EFCAB14: variants seen among roughly 807,000 people sequenced by gnomAD.
EFCAB14 encodes EF-hand calcium-binding domain-containing protein 14.
Under a neutral mutation model 56.5 loss-of-function variants are expected in EFCAB14, and 43 were observed. That is an observed-to-expected ratio of 0.76 (90% CI 0.60 to 0.98). The LOEUF (loss-of-function observed/expected upper bound fraction) is 0.98. Among genes scored for constraint, EFCAB14 ranks in the 50% least tolerant of loss-of-function variants. EFCAB14 has a pLI of 0.00. For missense variants in EFCAB14, 538 were observed against 580.3 expected, an observed-to-expected ratio of 0.93 and a Z score of 0.75; for synonymous variants, 235 against 212.9, an observed-to-expected ratio of 1.10 and a Z score of -0.90.
chr1:46,696,427 T>TG (rs1325476976), intron 4 of EFCAB14, 124 bp downstream of exon 4: 2 of 923,754 alleles, frequency 2.2e-6, no homozygotes, highest in African/African-American at 3.3e-5. Flanking sequence ...ACTGCCCTCT[T>TG]GGAGCAGCTG....
intron 2 of EFCAB14, among the ~76,000 whole-genome samples, chr1:46,711,146 T>C (rs2218189): frequency 0.37 from 56,242 of 152,118 alleles, 11,626 homozygotes; most frequent in East Asian, 0.74. Context: ...TTTTGCCCAG[T>C]AGTTCCCAGC....
At position 46,678,501 on chromosome 1, in the gene EFCAB14, C is replaced by T; in HGVS notation, c.1448G>A (p.Arg483Lys). 6.2e-7 allele frequency: 1 copy of T among 1,614,136 alleles called. No homozygotes were observed. Among genetic ancestry groups the T allele is most frequent in the Non-Finnish European group, 8.5e-7 (1 of 1,180,030 alleles). ...TACCCTTAGCTCCAGGAATGAGTATCTTCCATCTCCATCGGAATCAAATGC... is the reference window on the plus strand; with the variant it reads ...TACCCTTAGCTCCAGGAATGAGTATTTTCCATCTCCATCGGAATCAAATGC... ...LRAFDSDGDGRYSFLELRVAL... is the reference protein window; with the variant it reads ...LRAFDSDGDGKYSFLELRVAL... Residue 483 changes from arginine to lysine, a missense_variant, in exon 11 of 11, where the codon AGA (arginine) becomes AAA (lysine). Transcript: ENST00000371933.
chr1:46,707,760 T>C, intron 3 of EFCAB14, 146 bp downstream of exon 3: 1 of 683,232 alleles, frequency 1.5e-6, no homozygotes, highest in Non-Finnish European at 2.3e-6. Context: ...TTTAACATGC[T>C]GGGATTACAG....
chr1:46,693,969 A>G (rs949425961), intron 4 of EFCAB14, among the ~76,000 whole-genome samples: 2 of 152,210 alleles, frequency 1.3e-5, no homozygotes, highest in Non-Finnish European at 2.9e-5. Flanking sequence ...ACAAAAACAA[A>G]AAATGGGAAA....
intron 1 of EFCAB14, among the ~76,000 whole-genome samples, chr1:46,717,697 T>C (rs1333579146): frequency 1.3e-5 from 2 of 152,212 alleles, no homozygotes; most frequent in Non-Finnish European, 1.5e-5. Flanking sequence ...GGAGCTTTTC[T>C]TTCTACACCT....
chr1:46,690,563 C>A (rs1676975456), intron 5 of EFCAB14, among the ~76,000 whole-genome samples: 1 of 152,002 alleles, frequency 6.6e-6, no homozygotes, highest in Non-Finnish European at 1.5e-5. Flanking sequence ...TTCTAGAAGG[C>A]AGGAAATTTT....
intron 4 of EFCAB14, among the ~76,000 whole-genome samples, chr1:46,693,852 C>T (rs1677036219): frequency 6.6e-6 from 1 of 152,008 alleles, no homozygotes; most frequent in Admixed American, 6.6e-5. Flanking sequence ...AAGAATAAAC[C>T]AGTTTCCTTT....
At chr1:46,680,205 G>A (rs1484655668) in intron 10 of EFCAB14, among the ~76,000 whole-genome samples, 1 of 151,940 alleles carries the variant, frequency 6.6e-6, no homozygotes, top group Middle Eastern at 3.2e-3. Context: ...CCATTCCTAG[G>A]TATATATATA....
chr1:46,686,783 C>A lies in EFCAB14; in HGVS notation c.1074+1G>T, dbSNP rs1229710002. ...TTCAGGGTAAGCCTCCCATTATTTA[C>A]CTTTATGCTTTGGATTTTTACTGTA... On this transcript the variant is annotated splice_donor_variant, in intron 8 of 10. Coordinates refer to ENST00000371933, the MANE Select transcript of EFCAB14 (RefSeq NM_014774.3). LOFTEE classifies it high-confidence loss of function. 1 of 1,613,528 alleles carries A rather than the reference C, an allele frequency of 6.2e-7. No homozygotes were observed. Among genetic ancestry groups the A allele is most frequent in the Non-Finnish European group, 8.5e-7 (1 of 1,179,678 alleles).
At chr1:46,691,765 C>A in intron 5 of EFCAB14, 62 bp downstream of exon 5, 1 of 1,271,106 alleles carries the variant, frequency 7.9e-7, no homozygotes, top group South Asian at 1.3e-5. Flanking sequence ...GGAAAGTTGG[C>A]AACATGACTC....
chr1:46,682,048 T>C (rs1377838141), intron 10 of EFCAB14: 1 of 152,200 alleles, frequency 6.6e-6, no homozygotes, highest in African/African-American at 2.4e-5. Flanking sequence ...GCTTTAAGCA[T>C]TTAATTGCAA....
rs1005772416 is a variant in EFCAB14, at chr1:46,692,020, T to C, written c.580-83A>G. 5.1e-6 allele frequency: 5 copies of C among 977,462 alleles called. No homozygotes were observed. The Admixed American group carries it at 8.0e-5, about 16-fold the overall frequency. 60.5% of individuals were successfully genotyped at this position (977,462 alleles called of 1,614,324 possible). A position where few individuals can be genotyped will look rare whatever the true frequency, so the allele number is the denominator to read the frequency against. On this transcript the variant is annotated intron_variant, in intron 4 of 10. Transcript: ENST00000371933. ...TAAACTGTACATATTCAAAAATGTA[T>C]AATTTGAATGTTTTGACACATAAAC...
intron 2 of EFCAB14, among the ~76,000 whole-genome samples, chr1:46,711,000 T>C (rs887165395): frequency 6.6e-6 from 1 of 152,222 alleles, no homozygotes; most frequent in African/African-American, 2.4e-5. Flanking sequence ...CTGAATAGTA[T>C]TCTACTGTGT....
chr1:46,706,465 C>T (rs1219409426), intron 3 of EFCAB14, among the ~76,000 whole-genome samples: 1 of 152,148 alleles, frequency 6.6e-6, no homozygotes, highest in Non-Finnish European at 1.5e-5. Flanking sequence ...TGTCAGTTTA[C>T]AAGAACGAGA....
chr1:46,700,948 T>C (rs1677144720), intron 3 of EFCAB14, among the ~76,000 whole-genome samples: 1 of 145,542 alleles, frequency 6.9e-6, no homozygotes. Context: ...TGGACACCTA[T>C]GGGGGCATGA....
intron 3 of EFCAB14, among the ~76,000 whole-genome samples, chr1:46,706,397 G>A (rs1262830934): frequency 1.3e-5 from 2 of 152,132 alleles, no homozygotes; most frequent in African/African-American, 4.8e-5. Flanking sequence ...CCAAAGATTT[G>A]AAAATCTATG....
In EFCAB14 at chr1:46,675,814, T is replaced by TA. The variant is rs1262641650; in HGVS notation, c.*2646dup. 2 of 152,182 alleles carry TA rather than the reference T, an allele frequency of 1.3e-5. No homozygotes were observed. Among genetic ancestry groups the TA allele is most frequent in the Non-Finnish European group, 2.9e-5 (2 of 68,032 alleles). The allele number at this position is 152,182 out of a possible 1,614,324, so 9.4% of individuals were successfully genotyped here. A position where few individuals can be genotyped will look rare whatever the true frequency, so the allele number is the denominator to read the frequency against. On this transcript the variant is annotated 3_prime_UTR_variant, in exon 11 of 11. Transcript: ENST00000371933. Reference sequence around the variant, plus strand: ...ATGCTACCTTTTTGCCTCTCTGATTTATGGGGAGGCTCTTTTAGTAAACAT... The same window carrying TA: ...ATGCTACCTTTTTGCCTCTCTGATTTAATGGGGAGGCTCTTTTAGTAAACAT...
At position 46,695,138 on chromosome 1, in the gene EFCAB14, T is replaced by C. The variant is rs187164192; in HGVS notation, c.579+1413A>G. On this transcript the variant is annotated intron_variant, in intron 4 of 10. Transcript: ENST00000371933. The stretch of plus-strand genomic sequence containing the variant: ...CTAATGTAAATGATGAGTTAATGGG[T>C]GCAGCACACCAACATGGCACATATA... Among the ~76,000 whole-genome samples, 501 of 151,798 alleles carry C rather than the reference T, an allele frequency of 3.3e-3. 4 individuals are homozygous for C. Among genetic ancestry groups the C allele is most frequent in the Middle Eastern group, 0.02 (6 of 294 alleles).
At position 46,691,926 on chromosome 1, in the gene EFCAB14, G is replaced by A; in HGVS notation, c.591C>T (p.Ser197=). ...GGACGCTGTTTAAAGTATTGCCAAT[G>A]GAAGCTACACTCTGAATGGAAACAT... ...TVEGLQKSVA[S]IGNTLNSVHL... is the part of the protein sequence containing the mutation. Residue 197 remains serine (S), a synonymous_variant, in exon 5 of 11, where the codon TCC becomes TCT. Coordinates refer to ENST00000371933, the MANE Select transcript of EFCAB14 (RefSeq NM_014774.3). The A allele has an allele frequency of 6.2e-7, 1 of 1,612,924 alleles. No homozygotes were observed. Among genetic ancestry groups the A allele is most frequent in the Non-Finnish European group, 8.5e-7 (1 of 1,179,388 alleles).
Sources: gnomAD v4.1 joint callset for allele counts (sites outside exome capture counted in the v4.1 genomes callset) on GRCh38, gnomAD v4.1.1 for gene constraint, MANE v1.5 for transcripts, NCBI Gene and HGNC (gene_info 2026-07-23, HGNC 2026-07-21) for gene names.